The following PTPRD variants were observed in gnomAD, a reference collection of about 807,000 sequenced individuals.
PTPRD encodes receptor-type tyrosine-protein phosphatase delta.
In PTPRD, 34 loss-of-function variants were observed where a neutral mutation model predicts 214.5. The ratio of observed to expected loss-of-function variants is 0.16; its 90% CI spans 0.12 to 0.21. The LOEUF (loss-of-function observed/expected upper bound fraction) is 0.21, where lower values mean the gene tolerates loss of function less well. Among genes scored for constraint, PTPRD ranks in the 10% least tolerant of loss-of-function variants. The pLI, the probability that PTPRD is intolerant of heterozygous loss-of-function variation, is 1.00. For missense variants in PTPRD, 2,545 were observed against 2,398.7 expected, an observed-to-expected ratio of 1.06 and a Z score of -1.27; for synonymous variants, 1,128 against 845.7, an observed-to-expected ratio of 1.33 and a Z score of -5.79.
chr9:9,424,712 C>T (rs1382787002), intron 8 of PTPRD, among the ~76,000 whole-genome samples: 1 of 152,050 alleles, frequency 6.6e-6, no homozygotes, highest in Non-Finnish European at 1.5e-5. Flanking sequence ...GTCTATCTAG[C>T]CTGAAGAATC....
intron 8 of PTPRD, among the ~76,000 whole-genome samples, chr9:9,480,537 A>G (rs965242558): frequency 1.3e-5 from 2 of 152,160 alleles, no homozygotes; most frequent in African/African-American, 2.4e-5. Flanking sequence ...AAAAAGCAAT[A>G]TTTAAAAAAA....
At chr9:9,669,349 A>G (rs2096782309) in intron 7 of PTPRD, among the ~76,000 whole-genome samples, 1 of 152,162 alleles carries the variant, frequency 6.6e-6, no homozygotes, top group African/African-American at 2.4e-5. Flanking sequence ...TTGGTATGGA[A>G]TTAGTTCTGG....
chr9:9,931,362 G>A (rs1424555273), intron 5 of PTPRD, among the ~76,000 whole-genome samples: 1 of 152,130 alleles, frequency 6.6e-6, no homozygotes, highest in Non-Finnish European at 1.5e-5. Flanking sequence ...CAGGTCAGTG[G>A]GTGCGTGCAC....
chr9:9,861,682 C>G (rs1418610835), intron 5 of PTPRD, among the ~76,000 whole-genome samples: 1 of 152,142 alleles, frequency 6.6e-6, no homozygotes, highest in Non-Finnish European at 1.5e-5. Context: ...TGATATGATT[C>G]ATATCTTTGC....
intron 8 of PTPRD, among the ~76,000 whole-genome samples, chr9:9,560,877 C>T (rs114950219): frequency 6.6e-6 from 1 of 152,112 alleles, no homozygotes; most frequent in Non-Finnish European, 1.5e-5. Context: ...CAGGTTCTCC[C>T]TTGCCTTCAT....
chr9:10,243,780 C>T (rs916209369), intron 3 of PTPRD, among the ~76,000 whole-genome samples: 2 of 152,076 alleles, frequency 1.3e-5, no homozygotes, highest in African/African-American at 4.8e-5. Context: ...CCTATTTCAC[C>T]AGTCATATTT....
intron 11 of PTPRD, among the ~76,000 whole-genome samples, chr9:8,839,762 A>G (rs922900918): frequency 6.6e-6 from 1 of 151,992 alleles, no homozygotes; most frequent in African/African-American, 2.4e-5. Context: ...CTTTGTATTG[A>G]TAACAGTGGG....
intron 3 of PTPRD, among the ~76,000 whole-genome samples, chr9:10,036,954 G>C (rs1055080729): frequency 1.3e-5 from 2 of 151,838 alleles, no homozygotes; most frequent in African/African-American, 4.8e-5. Context: ...CATGATCATG[G>C]TTTACTGCAG....
intron 5 of PTPRD, among the ~76,000 whole-genome samples, chr9:9,931,438 C>A (rs1333198643): frequency 6.6e-6 from 1 of 152,152 alleles, no homozygotes; most frequent in Non-Finnish European, 1.5e-5. Flanking sequence ...CAGGGAGTTC[C>A]CTTTCCTAGT....
At chr9:9,297,055 G>C (rs760282254) in intron 9 of PTPRD, among the ~76,000 whole-genome samples, 2 of 151,678 alleles carry the variant, frequency 1.3e-5, no homozygotes, top group Admixed American at 1.3e-4. Flanking sequence ...GTCTACAAGA[G>C]TTAAAATGCA....
chr9:9,065,545 T>A (rs534903459), intron 10 of PTPRD, among the ~76,000 whole-genome samples: 1 of 152,268 alleles, frequency 6.6e-6, no homozygotes, highest in South Asian at 2.1e-4. Context: ...AAGTGCAATG[T>A]GAAGCTGACA....
At position 8,576,944 on chromosome 9, in the gene PTPRD, C is replaced by A. The variant is rs1252305270; in HGVS notation, c.353-48165G>T. On this transcript the variant is annotated intron_variant, in intron 14 of 45. Transcript: ENST00000381196. Reference sequence around the variant, plus strand: ...CCCACTGTCAGCAGAGCCATCTGGACCTTTATCACCTGTTGTCTATTTTAA... The same window carrying A: ...CCCACTGTCAGCAGAGCCATCTGGAACTTTATCACCTGTTGTCTATTTTAA... Among the ~76,000 whole-genome samples, 3 of 152,192 alleles carry A rather than the reference C, an allele frequency of 2.0e-5. No individual in the cohort carries two copies. The East Asian group carries it at 5.8e-4, about 29-fold the overall frequency.
At chr9:9,658,643 A>G (rs968821415) in intron 7 of PTPRD, among the ~76,000 whole-genome samples, 11 of 152,128 alleles carry the variant, frequency 7.2e-5, no homozygotes, top group Admixed American at 2.0e-4. Flanking sequence ...ATGCTATGAA[A>G]ATTCTGGTCA....
At chr9:8,428,808 T>G (rs2094860771) in intron 35 of PTPRD, among the ~76,000 whole-genome samples, 1 of 152,368 alleles carries the variant, frequency 6.6e-6, no homozygotes, top group African/African-American at 2.4e-5. Context: ...TTTTGCATTA[T>G]AAGTGCTCAG....
At chr9:8,394,356 A>G (rs562764453) in intron 36 of PTPRD, among the ~76,000 whole-genome samples, 137 of 152,280 alleles carry the variant, frequency 9.0e-4, no homozygotes, top group African/African-American at 3.2e-3. Context: ...ATAATACATG[A>G]ATTATTTTGT....
At chr9:10,513,840 A>T (rs1171979972) in intron 2 of PTPRD, among the ~76,000 whole-genome samples, 1 of 152,158 alleles carries the variant, frequency 6.6e-6, no homozygotes, top group Non-Finnish European at 1.5e-5. Context: ...GATTCTTTTT[A>T]AATTCAGCAT....
At chr9:8,926,885 T>C (rs2098900131) in intron 11 of PTPRD, among the ~76,000 whole-genome samples, 1 of 152,174 alleles carries the variant, frequency 6.6e-6, no homozygotes, top group Admixed American at 6.5e-5. Flanking sequence ...GTTTTAAGTA[T>C]TAAGACAATC....
At chr9:9,437,445 GT>G (rs5896332) in intron 8 of PTPRD, among the ~76,000 whole-genome samples, 130,410 of 152,036 alleles carry the variant, frequency 0.86, 56,033 homozygotes, top group African/African-American at 0.9. Flanking sequence ...GGTGTATCAG[GT>G]TTTTTTATGC....
intron 7 of PTPRD, among the ~76,000 whole-genome samples, chr9:9,593,230 A>G (rs893821251): frequency 1.3e-5 from 2 of 151,816 alleles, no homozygotes; most frequent in African/African-American, 2.4e-5. Context: ...CCCCCCCTCA[A>G]AGAAAAGGGG....
Sources: allele counts gnomAD v4.1 joint callset (sites outside exome capture counted in the v4.1 genomes callset), GRCh38; gene constraint gnomAD v4.1.1; transcripts MANE v1.5; gene names NCBI Gene and HGNC (gene_info 2026-07-23, HGNC 2026-07-21).